NAV3: variants seen among roughly 807,000 people sequenced by gnomAD.
The protein encoded by NAV3 is pore membrane and/or filament interacting like protein 1.
A neutral mutation model predicts 244.7 loss-of-function variants in NAV3; 87 were observed. The ratio of observed to expected loss-of-function variants is 0.36; its 90% CI spans 0.30 to 0.42. The LOEUF is 0.42. Ranked by LOEUF, NAV3 falls within the 20% of genes least tolerant of loss-of-function variation. NAV3 has a pLI of 1.00. For missense variants in NAV3, 2,663 were observed against 2,893.3 expected (o/e 0.92, Z 1.83); for synonymous variants, 1,126 against 1,042.2 (o/e 1.08, Z -1.55).
intron 1 of NAV3, among the ~76,000 whole-genome samples, chr12:77,846,194 C>A (rs993384717): frequency 2.0e-5 from 3 of 152,086 alleles, no homozygotes; most frequent in Non-Finnish European, 4.4e-5. Context: ...AATTTCAGAT[C>A]CTCCTCCATT....
At chr12:77,623,547 A>G (rs1385833695) in intron 2 of NAV3, among the ~76,000 whole-genome samples, 1 of 152,352 alleles carries the variant, frequency 6.6e-6, no homozygotes, top group African/African-American at 2.4e-5. Context: ...GTTTAGATGC[A>G]TATTATCTAA....
intron 18 of NAV3, among the ~76,000 whole-genome samples, chr12:78,131,625 A>G (rs1416949219): frequency 6.6e-6 from 1 of 152,062 alleles, no homozygotes; most frequent in Admixed American, 6.6e-5. Flanking sequence ...ATTTTTCCTC[A>G]CCATTATTAT....
At chr12:77,582,726 G>A (rs565790253) in intron 2 of NAV3, among the ~76,000 whole-genome samples, 1 of 152,270 alleles carries the variant, frequency 6.6e-6, no homozygotes, top group East Asian at 1.9e-4. Context: ...GTACACGCAT[G>A]TATGTGAGCC....
At chr12:77,825,528 G>A (rs1408347361) in intron 2 of NAV3, among the ~76,000 whole-genome samples, 2 of 152,092 alleles carry the variant, frequency 1.3e-5, no homozygotes. Context: ...GGTTTATATA[G>A]TAAATCCTAG....
intron 1 of NAV3, among the ~76,000 whole-genome samples, chr12:77,863,501 A>G (rs938317929): frequency 6.6e-6 from 1 of 151,878 alleles, no homozygotes; most frequent in Non-Finnish European, 1.5e-5. Context: ...TAAAAAAACA[A>G]ATAAAATTCT....
At chr12:77,610,086 G>A (rs1870845822) in intron 2 of NAV3, among the ~76,000 whole-genome samples, 1 of 151,692 alleles carries the variant, frequency 6.6e-6, no homozygotes, top group Non-Finnish European at 1.5e-5. Flanking sequence ...ATGTATTTTT[G>A]TTTAATCTCA....
chr12:78,104,729 A>C (rs940955270), intron 12 of NAV3, among the ~76,000 whole-genome samples: 2 of 152,192 alleles, frequency 1.3e-5, no homozygotes, highest in African/African-American at 4.8e-5. Flanking sequence ...GAATTTTGAC[A>C]TATGCATCAA....
At chr12:77,857,773 G>C (rs7313572) in intron 1 of NAV3, among the ~76,000 whole-genome samples, 1 of 151,564 alleles carries the variant, frequency 6.6e-6, no homozygotes, top group South Asian at 2.1e-4. Flanking sequence ...CTGAAAACTA[G>C]GGATAGTAAA....
chr12:77,743,415 A>G (rs190797926), intron 2 of NAV3, among the ~76,000 whole-genome samples: 1 of 151,956 alleles, frequency 6.6e-6, no homozygotes, highest in Admixed American at 6.6e-5. Flanking sequence ...TTAAACATAT[A>G]CCTACATATG....
In NAV3 at chr12:78,059,045, A is replaced by G. The variant is rs746881454; in HGVS notation, c.2566A>G (p.Ile856Val). 3 of 1,611,126 alleles carry G rather than the reference A, an allele frequency of 1.9e-6. No homozygotes were observed. Among genetic ancestry groups the G allele is most frequent in the African/African-American group, 2.7e-5 (2 of 74,792 alleles). ...LNLYTRSLNR[I>V]PDTATSRDII... ...CCTATATACTAGAAGTCTGAACCGAATACCAGACACAGCAACTTCCCGGGA... is the reference window on the plus strand; with the variant it reads ...CCTATATACTAGAAGTCTGAACCGAGTACCAGACACAGCAACTTCCCGGGA... Residue 856 changes from isoleucine (I) to valine (V), a missense_variant, in exon 12 of 40, where the codon ATA becomes GTA. Transcript: ENST00000397909.
At chr12:78,189,125 T>G (rs1958857492) in intron 33 of NAV3, among the ~76,000 whole-genome samples, 3 of 151,938 alleles carry the variant, frequency 2.0e-5, no homozygotes, top group Non-Finnish European at 4.4e-5. Flanking sequence ...AGTTACATAT[T>G]CATTGATATA....
chr12:77,637,049 T>C (rs1872189995), intron 2 of NAV3, among the ~76,000 whole-genome samples: 2 of 152,200 alleles, frequency 1.3e-5, no homozygotes, highest in African/African-American at 4.8e-5. Context: ...AGATGATGGG[T>C]TGATGGTTGC....
intron 12 of NAV3, 79 bp downstream of exon 12, chr12:78,059,194 T>G (rs1019220328): frequency 3.0e-6 from 4 of 1,320,840 alleles, no homozygotes; most frequent in Non-Finnish European, 4.2e-6. Flanking sequence ...AAACTCCTAT[T>G]AAACAGTGTA....
chr12:77,608,768 T>G (rs1465203162), intron 2 of NAV3, among the ~76,000 whole-genome samples: 2 of 152,066 alleles, frequency 1.3e-5, no homozygotes, highest in South Asian at 4.1e-4. Flanking sequence ...TTTGAAAATC[T>G]TGGCTGTATT....
intron 5 of NAV3, among the ~76,000 whole-genome samples, chr12:77,994,592 T>G (rs1872033617): frequency 7.4e-6 from 1 of 135,996 alleles, no homozygotes; most frequent in Non-Finnish European, 1.6e-5. Flanking sequence ...TATGACAAGG[T>G]GTGCACTGCA....
chr12:77,913,124 C>T (rs1339071092), intron 1 of NAV3, among the ~76,000 whole-genome samples: 1 of 151,936 alleles, frequency 6.6e-6, no homozygotes, highest in Non-Finnish European at 1.5e-5. Flanking sequence ...TACTTGGCCC[C>T]AAAACATGGT....
chr12:78,122,487 C>G, intron 16 of NAV3, 59 bp downstream of exon 16: 1 of 1,496,702 alleles, frequency 6.7e-7, no homozygotes, highest in Non-Finnish European at 8.9e-7. Flanking sequence ...CTATGCCTAA[C>G]CCCCACCCCA....
intron 34 of NAV3, among the ~76,000 whole-genome samples, chr12:78,193,472 T>A (rs1320272821): frequency 1.3e-5 from 2 of 152,184 alleles, no homozygotes; most frequent in Non-Finnish European, 2.9e-5. Context: ...AAAGCAGTGA[T>A]CTACCATTTT....
intron 1 of NAV3, among the ~76,000 whole-genome samples, chr12:77,898,140 T>G (rs1194520053): frequency 6.6e-6 from 1 of 152,238 alleles, no homozygotes; most frequent in Non-Finnish European, 1.5e-5. Context: ...CACACACACT[T>G]GAACAAACAC....
Sources: gnomAD v4.1 joint callset for allele counts (sites outside exome capture counted in the v4.1 genomes callset) on GRCh38, gnomAD v4.1.1 for gene constraint, MANE v1.5 for transcripts, NCBI Gene and HGNC (gene_info 2026-07-23, HGNC 2026-07-21) for gene names.